Variants in RYR2 observed in about 807,000 individuals in gnomAD.
The protein encoded by RYR2 is cardiac muscle ryanodine receptor-calcium release channel.
Under a neutral mutation model 601.1 loss-of-function variants are expected in RYR2, and 227 were observed. The observed-to-expected ratio is 0.38, with a 90% confidence interval of 0.34 to 0.42. RYR2 has a LOEUF of 0.42. RYR2 is among the 10% of genes least tolerant of loss of function. The pLI, the probability that RYR2 is intolerant of heterozygous loss-of-function variation, is 1.00. For synonymous variants in RYR2, 2,223 were observed against 2,175.1 expected, an observed-to-expected ratio of 1.02 and a Z score of -0.61; for missense variants, 4,646 against 6,156.5, an observed-to-expected ratio of 0.75 and a Z score of 8.21.
intron 2 of RYR2, among the ~76,000 whole-genome samples, chr1:237,299,903 G>C (rs1028336488): frequency 1.3e-5 from 2 of 152,186 alleles, no homozygotes; most frequent in Admixed American, 6.5e-5. Context: ...ATCTGGAGTA[G>C]TGTTTAGAAA....
chr1:237,803,818 T>G (rs1282291325), intron 98 of RYR2, among the ~76,000 whole-genome samples: 2 of 152,198 alleles, frequency 1.3e-5, no homozygotes, highest in Non-Finnish European at 2.9e-5. Context: ...ATTTGCTGAA[T>G]CTTGGTCCTG....
intron 36 of RYR2, among the ~76,000 whole-genome samples, chr1:237,613,405 C>T (rs561821699): frequency 6.6e-6 from 1 of 152,290 alleles, no homozygotes; most frequent in Non-Finnish European, 1.5e-5. Context: ...ATTTGATGAA[C>T]AATTGAATGA....
intron 63 of RYR2, among the ~76,000 whole-genome samples, chr1:237,694,807 A>G (rs1318186367): frequency 6.6e-6 from 1 of 152,216 alleles, no homozygotes; most frequent in East Asian, 1.9e-4. Flanking sequence ...TCTGTTCAAT[A>G]TCACAGACTT....
chr1:237,598,848 G>A (rs997258011), intron 34 of RYR2, among the ~76,000 whole-genome samples: 1 of 152,112 alleles, frequency 6.6e-6, no homozygotes, highest in African/African-American at 2.4e-5. Context: ...AAAGATCAAT[G>A]ATACGAAGAG....
At chr1:237,681,245 G>A (rs61832680) in intron 62 of RYR2, among the ~76,000 whole-genome samples, 2 of 152,054 alleles carry the variant, frequency 1.3e-5, no homozygotes, top group Non-Finnish European at 2.9e-5. Flanking sequence ...AGATTGTATC[G>A]GAACAAAATT....
At chr1:237,316,500 A>G (rs1695126897) in intron 2 of RYR2, among the ~76,000 whole-genome samples, 1 of 152,172 alleles carries the variant, frequency 6.6e-6, no homozygotes, top group African/African-American at 2.4e-5. Flanking sequence ...TCCTCACCCT[A>G]TTTGACCCAC....
intron 1 of RYR2, among the ~76,000 whole-genome samples, chr1:237,163,781 A>G (rs1676312828): frequency 6.6e-6 from 1 of 152,254 alleles, no homozygotes; most frequent in African/African-American, 2.4e-5. Context: ...TGAGAGGTCT[A>G]GACTTCAGAT....
At chr1:237,112,836 A>G (rs1251218116) in intron 1 of RYR2, among the ~76,000 whole-genome samples, 4 of 152,152 alleles carry the variant, frequency 2.6e-5, no homozygotes, top group African/African-American at 7.2e-5. Flanking sequence ...TTTATGCTCC[A>G]TCATGTAATT....
At chr1:237,173,544 G>A (rs1677660692) in intron 1 of RYR2, among the ~76,000 whole-genome samples, 1 of 152,170 alleles carries the variant, frequency 6.6e-6, no homozygotes, top group African/African-American at 2.4e-5. Flanking sequence ...TACACACTCT[G>A]ACAATAAACT....
intron 81 of RYR2, 40 bp from the exon 82 acceptor site, chr1:237,757,657 C>A: frequency 1.5e-6 from 2 of 1,324,948 alleles, no homozygotes; most frequent in Non-Finnish European, 2.2e-6. Context: ...ATATAGAAGG[C>A]GAAATGATAT....
In RYR2 at chr1:237,792,400, T is replaced by C. The variant is rs200933356; in HGVS notation, c.13782+77T>C. 1.6e-3 allele frequency: 244 copies of C among 151,680 alleles called. 3 individuals are homozygous for C. Among genetic ancestry groups the C allele is most frequent in the East Asian group, 4.7e-3 (20 of 4,246 alleles). 9.4% of individuals were successfully genotyped at this position (151,680 alleles called of 1,614,324 possible). ...GTGTGTGCGTGTGTGTGTGTGTGCGTGTGTGTGTGTGTGTGTGTGTGTGTT... is the reference window on the plus strand; with the variant it reads ...GTGTGTGCGTGTGTGTGTGTGTGCGCGTGTGTGTGTGTGTGTGTGTGTGTT... On this transcript the variant is annotated intron_variant, in intron 94 of 104. Transcript: ENST00000366574.
intron 1 of RYR2, among the ~76,000 whole-genome samples, chr1:237,049,040 G>A (rs1013822270): frequency 6.6e-6 from 1 of 152,190 alleles, no homozygotes; most frequent in Non-Finnish European, 1.5e-5. Flanking sequence ...GAGGACACCG[G>A]AGGTGTGTAG....
intron 1 of RYR2, chr1:237,267,548 A>G: frequency 4.2e-6 from 1 of 238,894 alleles, no homozygotes; most frequent in Non-Finnish European, 8.8e-6. Context: ...AGAGAAGAGA[A>G]GAAAAGAAAC....
At chr1:237,545,743 T>C (rs1250665075) in intron 25 of RYR2, among the ~76,000 whole-genome samples, 2 of 148,926 alleles carry the variant, frequency 1.3e-5, no homozygotes, top group Non-Finnish European at 3.0e-5. Context: ...GGGAGCTTTT[T>C]CTTGAAAAAT....
chr1:237,698,940 A>T (rs764666258), intron 63 of RYR2, 25 bp from the exon 64 acceptor site: 3 of 1,437,954 alleles, frequency 2.1e-6, no homozygotes, highest in Non-Finnish European at 2.9e-6. Context: ...AGGGCAATTT[A>T]TACAGCATTT....
intron 1 of RYR2, among the ~76,000 whole-genome samples, chr1:237,189,876 T>TTA (rs1679777371): frequency 1.4e-5 from 1 of 69,470 alleles, no homozygotes; most frequent in African/African-American, 6.6e-5. Context: ...TATTTTTATT[T>TTA]TTATTTTTTT....
In RYR2 at chr1:237,711,735, A is replaced by G; in HGVS notation, c.10231-10A>G. The G allele has an allele frequency of 1.3e-6, 2 of 1,499,884 alleles. No homozygotes were observed. Among genetic ancestry groups the G allele is most frequent in the South Asian group, 1.2e-5 (1 of 85,356 alleles). The allele number at this position is 1,499,884 out of a possible 1,614,324, so 92.9% of individuals were successfully genotyped here. ...TGGTTTTAACTGAAATTTCCTTTGC[A>G]ACTTCTCAGAATTTCAAAAGAGAAG... is the stretch of plus-strand genomic sequence containing the variant. On this transcript the variant is annotated splice_polypyrimidine_tract_variant and intron_variant, in intron 70 of 104. Coordinates refer to ENST00000366574, the MANE Select transcript of RYR2 (RefSeq NM_001035.3).
At chr1:237,676,573 G>A (rs1685417050) in intron 60 of RYR2, among the ~76,000 whole-genome samples, 1 of 152,156 alleles carries the variant, frequency 6.6e-6, no homozygotes, top group Non-Finnish European at 1.5e-5. Context: ...AACTCTGTTA[G>A]AGGAGCAGAT....
At chr1:237,459,659 G>A (rs1429629188) in intron 16 of RYR2, among the ~76,000 whole-genome samples, 1 of 152,092 alleles carries the variant, frequency 6.6e-6, no homozygotes, top group African/African-American at 2.4e-5. Flanking sequence ...TAGCACTTCA[G>A]CTTTATCCTT....
Sources: gnomAD v4.1 joint callset for allele counts (sites outside exome capture counted in the v4.1 genomes callset) on GRCh38, gnomAD v4.1.1 for gene constraint, MANE v1.5 for transcripts, NCBI Gene and HGNC (gene_info 2026-07-23, HGNC 2026-07-21) for gene names.